SLC43A2: variants seen among roughly 807,000 people sequenced by gnomAD.
SLC43A2 encodes the protein large neutral amino acids transporter small subunit 4.
SLC43A2 carries 38 observed loss-of-function variants against 63.2 expected under a neutral mutation model. The observed-to-expected ratio is 0.60, with a 90% CI of 0.46 to 0.79. The LOEUF (loss-of-function observed/expected upper bound fraction) is 0.79, where lower values mean the gene tolerates loss of function less well. Ranked by LOEUF, SLC43A2 falls within the 30% of genes least tolerant of loss-of-function variation. The probability of loss-of-function intolerance (pLI) is 0.00; values close to 1 mark genes in which losing one functional copy is unlikely to be tolerated. For missense variants in SLC43A2, 644 were observed against 756.2 expected (o/e 0.85, Z 1.74); for synonymous variants, 322 against 331.0 (o/e 0.97, Z 0.30).
At chr17:1,586,928 T>TCCACCCCCCCCCCCC in intron 9 of SLC43A2, 2 of 1,232,916 alleles carry the variant, frequency 1.6e-6, no homozygotes, top group Admixed American at 2.2e-5. Flanking sequence ...TCCCTGACAA[T>TCCACCCCCCCCCCCC]CCCCCCCACC....
At chr17:1,588,724 G>A (rs1327037198) in intron 9 of SLC43A2, among the ~76,000 whole-genome samples, 3 of 146,014 alleles carry the variant, frequency 2.1e-5, no homozygotes, top group Non-Finnish European at 4.5e-5. Flanking sequence ...AAAAAAAGGC[G>A]GCCTTTTCCC....
At chr17:1,622,105 GA>G (rs1268390074) in intron 2 of SLC43A2, among the ~76,000 whole-genome samples, 1 of 152,212 alleles carries the variant, frequency 6.6e-6, no homozygotes, top group Non-Finnish European at 1.5e-5. Flanking sequence ...GGGGCGGTGG[GA>G]AGAGCCAAGG....
chr17:1,621,698 A>G (rs1316447787), intron 2 of SLC43A2, among the ~76,000 whole-genome samples: 2 of 152,188 alleles, frequency 1.3e-5, no homozygotes, highest in Non-Finnish European at 2.9e-5. Context: ...CCACGAGGAT[A>G]CTGTCAGAGT....
At position 1,578,450 on chromosome 17, in the gene SLC43A2, C is replaced by T; in HGVS notation, c.1351-127G>A. The T allele has an allele frequency of 1.3e-6, 1 of 778,946 alleles. No homozygotes were observed. Among genetic ancestry groups the T allele is most frequent in the Non-Finnish European group, 2.0e-6 (1 of 499,752 alleles). 48.3% of individuals were successfully genotyped at this position (778,946 alleles called of 1,614,324 possible). Reference sequence around the variant, plus strand: ...AGCCTGGAGTTGGATCAACCCCATCCTCCGGAGCCAATTGTGAATTTTCAG... The same window carrying T: ...AGCCTGGAGTTGGATCAACCCCATCTTCCGGAGCCAATTGTGAATTTTCAG... On this transcript the variant is annotated intron_variant, in intron 11 of 13. Coordinates refer to ENST00000301335, the MANE Select transcript of SLC43A2 (RefSeq NM_152346.3). This position sits in a 1 kb window ranked among gnomAD's most constrained non-coding sequence, Gnocchi z 6.5.
chr17:1,628,563 G>C, intron 1 of SLC43A2, among the ~76,000 whole-genome samples: 1 of 152,176 alleles, frequency 6.6e-6, no homozygotes, highest in Non-Finnish European at 1.5e-5. Context: ...GCGCGAGCCA[G>C]CCGCGCGACC....
rs1905003541 is a variant in SLC43A2, at chr17:1,593,416, T to G, written c.502-137A>C. ...CCTGTGTGACTCACAGGGGCATTAG[T>G]TCAGGGGCAATGACCGCTCACTGAA... is the stretch of plus-strand genomic sequence containing the variant. On this transcript the variant is annotated intron_variant, in intron 5 of 13. Transcript: ENST00000301335. This position sits in a 1 kb window ranked among gnomAD's most constrained non-coding sequence, Gnocchi z 5.3. 1.3e-6 allele frequency: 1 copy of G among 758,866 alleles called. No individual in the cohort carries two copies. Among genetic ancestry groups the G allele is most frequent in the Non-Finnish European group, 2.2e-6 (1 of 448,362 alleles). The allele number at this position is 758,866 out of a possible 1,614,324, so 47.0% of individuals were successfully genotyped here. A position where few individuals can be genotyped will look rare whatever the true frequency, so the allele number is the denominator to read the frequency against.
rs1598474649 is a variant in SLC43A2, at chr17:1,605,091, T to G, written c.501+8104A>C. The G allele has an allele frequency of 7.3e-7, 1 of 1,369,262 alleles. No individual in the cohort carries two copies. Among genetic ancestry groups the G allele is most frequent in the Non-Finnish European group, 9.4e-7 (1 of 1,058,938 alleles). The allele number at this position is 1,369,262 out of a possible 1,614,324, so 84.8% of individuals were successfully genotyped here. On this transcript the variant is annotated intron_variant, in intron 5 of 13. Transcript: ENST00000301335. This position sits in a 1 kb window ranked among gnomAD's most constrained non-coding sequence, Gnocchi z 4.9. The stretch of plus-strand genomic sequence containing the variant: ...TCACCACCACACTCACAGGTGGGAG[T>G]GCAAGCCCCTCTTCCCGCCCTCAGG...
intron 5 of SLC43A2, among the ~76,000 whole-genome samples, chr17:1,595,840 A>C (rs6502818): frequency 0.54 from 81,929 of 152,068 alleles, 23,551 homozygotes; most frequent in African/African-American, 0.73. Flanking sequence ...GCCTCCCAAA[A>C]TAAATAATTT....
At chr17:1,627,010 T>C (rs1277662656) in intron 2 of SLC43A2, among the ~76,000 whole-genome samples, 2 of 152,078 alleles carry the variant, frequency 1.3e-5, no homozygotes. Context: ...TAGAGAAGCA[T>C]CCTCAGCCTG....
rs1392389795 is a variant in SLC43A2 at position 1,583,061 on chromosome 17, A to G, written c.1350+143T>C. ...ACCACTGCACTCCAGCCTGAGCAAC[A>G]GAGTTTGACTCTGTCTCAAAAAAAT... is the stretch of plus-strand genomic sequence containing the variant. On this transcript the variant is annotated intron_variant, in intron 11 of 13. Transcript: ENST00000301335. The surrounding 1 kb of genome is among the most constrained non-coding windows in gnomAD (Gnocchi z 5.5). 3.3e-6 allele frequency: 3 copies of G among 915,076 alleles called. No homozygotes were observed. Among genetic ancestry groups the G allele is most frequent in the Non-Finnish European group, 4.9e-6 (3 of 611,384 alleles). The allele number at this position is 915,076 out of a possible 1,614,324, so 56.7% of individuals were successfully genotyped here.
intron 5 of SLC43A2, among the ~76,000 whole-genome samples, chr17:1,599,344 A>C (rs1189925367): frequency 6.6e-6 from 1 of 151,958 alleles, no homozygotes; most frequent in Non-Finnish European, 1.5e-5. Flanking sequence ...GTCTCAAAAA[A>C]AGAAAAGAAA....
intron 5 of SLC43A2, chr17:1,604,872 T>C: frequency 1.3e-6 from 2 of 1,535,496 alleles, no homozygotes. Context: ...TCTCGCTCAC[T>C]CCGTCCCCAG....
intron 5 of SLC43A2, chr17:1,604,913 A>G: frequency 1.3e-6 from 2 of 1,530,900 alleles, no homozygotes; most frequent in Non-Finnish European, 1.7e-6. Flanking sequence ...TCAGCTGCGC[A>G]TAATGGCTGT....
At chr17:1,575,862 CGGGGTGGAAGGGG>C (rs775440504) in intron 13 of SLC43A2, 97 bp from the exon 14 acceptor site, 552 of 1,367,930 alleles carry the variant, frequency 4.0e-4, no homozygotes, top group Non-Finnish European at 4.7e-4. Context: ...GAGAAGGTCA[CGGGGTGGAAGGGG>C]GAACGAAACA....
intron 5 of SLC43A2, among the ~76,000 whole-genome samples, chr17:1,595,198 T>G (rs1055262734): frequency 3.3e-5 from 5 of 151,688 alleles, no homozygotes; most frequent in South Asian, 4.2e-4. Flanking sequence ...GGAAAATGGC[T>G]TGAACCCGGG....
intron 1 of SLC43A2, 145 bp downstream of exon 1, chr17:1,628,649 C>T (rs1480081372): frequency 6.6e-6 from 1 of 152,090 alleles, no homozygotes. Flanking sequence ...CCCCAGCCCG[C>T]ATCTGTTCGT....
At chr17:1,618,909 G>A (rs893566816) in intron 2 of SLC43A2, among the ~76,000 whole-genome samples, 6 of 151,976 alleles carry the variant, frequency 3.9e-5, no homozygotes, top group South Asian at 2.1e-4. Flanking sequence ...CATTGAACCC[G>A]GTAAACGGAG....
rs893415326 is a variant in SLC43A2 at position 1,597,793 on chromosome 17, C to T, written c.502-4514G>A. Among the ~76,000 whole-genome samples the T allele has an allele frequency of 5.3e-5, 8 of 150,696 alleles. No homozygotes were observed. The East Asian group carries it at 1.4e-3, about 26-fold the overall frequency. Reference sequence around the variant, plus strand: ...CACCCTGGGCGACAGAGTGAGACTCCGTCTCAAAAAGAAAAAAAAAAGAAA... The same window carrying T: ...CACCCTGGGCGACAGAGTGAGACTCTGTCTCAAAAAGAAAAAAAAAAGAAA... On this transcript the variant is annotated intron_variant, in intron 5 of 13. Transcript: ENST00000301335.
At chr17:1,599,960 C>A (rs1166571376) in intron 5 of SLC43A2, among the ~76,000 whole-genome samples, 19 of 147,202 alleles carry the variant, frequency 1.3e-4, no homozygotes, top group African/African-American at 4.5e-4. Context: ...GGGAGAATGG[C>A]GTGAACCTGG....
Sources: gnomAD v4.1 joint callset for allele counts (sites outside exome capture counted in the v4.1 genomes callset) on GRCh38, gnomAD v4.1.1 for gene constraint, Gnocchi (gnomAD v3.1) non-coding constraint, MANE v1.5 for transcripts, NCBI Gene and HGNC (gene_info 2026-07-23, HGNC 2026-07-21) for gene names.